The following KCNH8 variants were observed in gnomAD, a reference collection of about 807,000 sequenced individuals.
KCNH8 encodes the protein voltage-gated delayed rectifier potassium channel KCNH8.
Under a neutral mutation model 103.6 loss-of-function variants are expected in KCNH8, and 70 were observed. That is an observed-to-expected ratio of 0.68 (90% CI 0.56 to 0.82). The LOEUF is 0.82. KCNH8 is among the 40% of genes least tolerant of loss of function. The probability of loss-of-function intolerance (pLI) is 0.00; values close to 1 mark genes in which losing one functional copy is unlikely to be tolerated. For synonymous variants in KCNH8, 498 were observed against 489.4 expected (o/e 1.02, Z -0.23); for missense variants, 1,217 against 1,329.9 (o/e 0.92, Z 1.32).
At chr3:19,340,412 G>T (rs1464017071) in intron 3 of KCNH8, among the ~76,000 whole-genome samples, 2 of 148,160 alleles carry the variant, frequency 1.3e-5, no homozygotes, top group African/African-American at 2.5e-5. Context: ...ACATTGTGCA[G>T]GTTAGTTACA....
chr3:19,362,604 T>C (rs866866147), intron 5 of KCNH8, among the ~76,000 whole-genome samples: 2 of 152,188 alleles, frequency 1.3e-5, no homozygotes, highest in Non-Finnish European at 1.5e-5. Flanking sequence ...CAGCGTATCT[T>C]GAGGTGGCAT....
chr3:19,410,934 A>G (rs1051595641), intron 7 of KCNH8, among the ~76,000 whole-genome samples: 1 of 151,758 alleles, frequency 6.6e-6, no homozygotes, highest in African/African-American at 2.4e-5. Flanking sequence ...TAATACCAGA[A>G]GTACAGAGAA....
chr3:19,244,041 TG>T (rs1164903998), intron 1 of KCNH8, among the ~76,000 whole-genome samples: 1 of 152,164 alleles, frequency 6.6e-6, no homozygotes, highest in African/African-American at 2.4e-5. Flanking sequence ...GGTCTTACTT[TG>T]TTTTTAAATA....
At chr3:19,301,473 A>T (rs1308509511) in intron 3 of KCNH8, among the ~76,000 whole-genome samples, 1 of 151,882 alleles carries the variant, frequency 6.6e-6, no homozygotes, top group Non-Finnish European at 1.5e-5. Flanking sequence ...GAAATCCATC[A>T]TTAATAGGCT....
chr3:19,196,351 G>A (rs1168629055), intron 1 of KCNH8, among the ~76,000 whole-genome samples: 1 of 151,814 alleles, frequency 6.6e-6, no homozygotes, highest in Non-Finnish European at 1.5e-5. Flanking sequence ...AATCCCATGT[G>A]TTCGGAAGTT....
chr3:19,192,959 T>G (rs1488173517), intron 1 of KCNH8, among the ~76,000 whole-genome samples: 1 of 151,656 alleles, frequency 6.6e-6, no homozygotes, highest in African/African-American at 2.4e-5. Context: ...TTAGAAGCAT[T>G]AGTCTTCTTT....
chr3:19,445,263 A>C (rs1308859651), intron 8 of KCNH8, among the ~76,000 whole-genome samples: 2 of 151,982 alleles, frequency 1.3e-5, no homozygotes, highest in African/African-American at 4.8e-5. Context: ...AAGTTTATAG[A>C]TAGGCAAAGC....
chr3:19,412,406 G>C lies in KCNH8; in HGVS notation c.1177+17095G>C, dbSNP rs970923433. 2.6e-5 allele frequency among the ~76,000 whole-genome samples: 4 copies of C among 151,976 alleles called. No homozygotes were observed. In the East Asian group the frequency reaches 7.7e-4, roughly 29 times the overall value. The stretch of plus-strand genomic sequence containing the variant: ...ATACAAAAACTCAAGGTGGATTAAA[G>C]AGTTAAATGTAAGACCTCAAACTAT... On this transcript the variant is annotated intron_variant, in intron 7 of 15. Coordinates refer to ENST00000328405, the MANE Select transcript of KCNH8 (RefSeq NM_144633.3).
chr3:19,455,286 G>T (rs999033190), intron 10 of KCNH8, among the ~76,000 whole-genome samples: 1 of 152,088 alleles, frequency 6.6e-6, no homozygotes, highest in South Asian at 2.1e-4. Context: ...TGTTTTAAAA[G>T]AAAATGGCAA....
At chr3:19,233,126 G>C (rs1277536782) in intron 1 of KCNH8, among the ~76,000 whole-genome samples, 1 of 129,496 alleles carries the variant, frequency 7.7e-6, no homozygotes, top group Non-Finnish European at 1.5e-5. Flanking sequence ...TCTGTCTGGA[G>C]CTGTTAATTC....
At chr3:19,330,224 A>T (rs961329355) in intron 3 of KCNH8, among the ~76,000 whole-genome samples, 1 of 152,168 alleles carries the variant, frequency 6.6e-6, no homozygotes, top group Non-Finnish European at 1.5e-5. Context: ...GGCCAAAAGT[A>T]TGTTTTCTAG....
intron 3 of KCNH8, among the ~76,000 whole-genome samples, chr3:19,333,992 T>G (rs1311198824): frequency 4.6e-5 from 7 of 151,984 alleles, no homozygotes; most frequent in Non-Finnish European, 1.0e-4. Flanking sequence ...GGAAGAAGAG[T>G]GGGCAGAGGG....
intron 11 of KCNH8, among the ~76,000 whole-genome samples, chr3:19,495,516 G>T (rs1045314277): frequency 1.3e-5 from 2 of 152,074 alleles, no homozygotes; most frequent in African/African-American, 2.4e-5. Flanking sequence ...GATAGTTGTA[G>T]GTGTGCAGCC....
At chr3:19,212,910 T>C (rs897196828) in intron 1 of KCNH8, among the ~76,000 whole-genome samples, 5 of 152,212 alleles carry the variant, frequency 3.3e-5, no homozygotes, top group African/African-American at 1.2e-4. Context: ...GAAGAGAATC[T>C]TAAAGAATAT....
At chr3:19,306,889 C>A (rs1345946879) in intron 3 of KCNH8, among the ~76,000 whole-genome samples, 1 of 151,890 alleles carries the variant, frequency 6.6e-6, no homozygotes, top group African/African-American at 2.4e-5. Context: ...TACACACAGA[C>A]ACATAAACCC....
intron 3 of KCNH8, among the ~76,000 whole-genome samples, chr3:19,327,479 G>A (rs562230497): frequency 1.2e-4 from 18 of 152,168 alleles, no homozygotes; most frequent in African/African-American, 4.3e-4. Flanking sequence ...TAGTAGAGAC[G>A]GGGTTTCACC....
At chr3:19,499,757 C>G (rs576673954) in intron 11 of KCNH8, among the ~76,000 whole-genome samples, 4 of 152,084 alleles carry the variant, frequency 2.6e-5, no homozygotes. Flanking sequence ...TTTGTCACCA[C>G]CAGGCCTGCC....
intron 15 of KCNH8, among the ~76,000 whole-genome samples, chr3:19,527,123 CA>C (rs2069079081): frequency 6.6e-6 from 1 of 152,106 alleles, no homozygotes; most frequent in East Asian, 1.9e-4. Context: ...ACTTGAAATA[CA>C]GGACCTTAAT....
chr3:19,486,317 C>A (rs1173557856), intron 11 of KCNH8, among the ~76,000 whole-genome samples: 2 of 152,224 alleles, frequency 1.3e-5, no homozygotes, highest in African/African-American at 2.4e-5. Flanking sequence ...GGGATTTTCA[C>A]AAAGCAAGCT....
Sources: gnomAD v4.1 joint callset for allele counts (sites outside exome capture counted in the v4.1 genomes callset) on GRCh38, gnomAD v4.1.1 for gene constraint, MANE v1.5 for transcripts, NCBI Gene and HGNC (gene_info 2026-07-23, HGNC 2026-07-21) for gene names.